The following SHTN1 variants were observed in gnomAD, a reference collection of about 807,000 sequenced individuals.
SHTN1 encodes the protein shootin 1.
Under a neutral mutation model 83.1 loss-of-function variants are expected in SHTN1, and 42 were observed. The ratio of observed to expected loss-of-function variants is 0.51; its 90% CI spans 0.39 to 0.65. The LOEUF (loss-of-function observed/expected upper bound fraction) is 0.65, where lower values mean the gene tolerates loss of function less well. SHTN1 is among the 30% of genes least tolerant of loss of function. SHTN1 has a pLI of 0.00. For missense variants in SHTN1, 622 were observed against 737.8 expected (o/e 0.84, Z 1.82); for synonymous variants, 224 against 247.7 (o/e 0.90, Z 0.90).
chr10:116,888,519 C>T (rs1847232883), intron 16 of SHTN1, among the ~76,000 whole-genome samples: 1 of 152,168 alleles, frequency 6.6e-6, no homozygotes, highest in South Asian at 2.1e-4. Flanking sequence ...TGTAAAGTGA[C>T]AGAGACTGGG....
At chr10:117,124,989 T>A (rs1407552045) in intron 1 of SHTN1, among the ~76,000 whole-genome samples, 4 of 152,164 alleles carry the variant, frequency 2.6e-5, no homozygotes, top group Non-Finnish European at 5.9e-5. Context: ...AGCTTCCTAC[T>A]CTGCCATGAC....
intron 12 of SHTN1, among the ~76,000 whole-genome samples, chr10:116,916,873 C>T (rs1848402423): frequency 6.6e-6 from 1 of 152,210 alleles, no homozygotes. Context: ...CCTCAGAAGC[C>T]ATTGAAATGC....
At chr10:117,098,342 C>T (rs1342071372) in intron 1 of SHTN1, among the ~76,000 whole-genome samples, 1 of 144,282 alleles carries the variant, frequency 6.9e-6, no homozygotes, top group Non-Finnish European at 1.5e-5. Flanking sequence ...GCTTGCAGTG[C>T]GCCGACATCG....
At chr10:116,891,533 T>C (rs1847342995) in intron 16 of SHTN1, among the ~76,000 whole-genome samples, 1 of 152,250 alleles carries the variant, frequency 6.6e-6, no homozygotes, top group Non-Finnish European at 1.5e-5. Flanking sequence ...TAAATTTGTC[T>C]TTATAAAGTC....
chr10:116,940,497 A>T lies in SHTN1; in HGVS notation c.827T>A (p.Leu276His). 1 of 1,613,970 alleles carries T rather than the reference A, an allele frequency of 6.2e-7. No individual in the cohort carries two copies. The highest frequency in any genetic ancestry group is 8.5e-7 in the Non-Finnish European group (1 of 1,179,944). Residue 276 changes from leucine to histidine, a missense_variant, in exon 9 of 17, where the codon CTT becomes CAT. This residue lies in a region of SHTN1 where 383 missense variants were observed against 455.8 expected (regional missense o/e 0.84). Transcript: ENST00000355371. ...LDENAKLTQQ[L>H]EEERIQHQQK... ...TTGATGCTGAATTCTCTCTTCTTCA[A>T]GTTGCTGGGTGAGTTTTGCATTTTC...
chr10:117,083,838 G>A (rs868750166), intron 1 of SHTN1, among the ~76,000 whole-genome samples: 6 of 151,534 alleles, frequency 4.0e-5, no homozygotes, highest in Non-Finnish European at 7.4e-5. Context: ...TGATCGCATC[G>A]GCTCCTGAGG....
At chr10:116,931,447 C>A (rs1475860036) in intron 9 of SHTN1, among the ~76,000 whole-genome samples, 1 of 152,118 alleles carries the variant, frequency 6.6e-6, no homozygotes, top group Admixed American at 6.5e-5. Context: ...CAGGGTTTCA[C>A]CACATTGGCC....
At chr10:117,004,601 G>A (rs1313771896) in intron 1 of SHTN1, among the ~76,000 whole-genome samples, 4 of 152,164 alleles carry the variant, frequency 2.6e-5, no homozygotes, top group Non-Finnish European at 4.4e-5. Context: ...AGCCCTACAG[G>A]CCACCCAGCG....
At chr10:116,892,405 G>A (rs1260641564) in intron 16 of SHTN1, among the ~76,000 whole-genome samples, 1 of 152,142 alleles carries the variant, frequency 6.6e-6, no homozygotes, top group Non-Finnish European at 1.5e-5. Context: ...CTTAAGCTTC[G>A]TTTTTTAGCT....
At chr10:116,910,720 A>G (rs116947821) in intron 14 of SHTN1, among the ~76,000 whole-genome samples, 2 of 152,214 alleles carry the variant, frequency 1.3e-5, no homozygotes, top group Non-Finnish European at 2.9e-5. Context: ...TGTCATAGGG[A>G]GTTCTCCTTA....
intron 2 of SHTN1, among the ~76,000 whole-genome samples, chr10:117,039,338 T>C (rs933229395): frequency 6.6e-6 from 1 of 152,086 alleles, no homozygotes; most frequent in African/African-American, 2.4e-5. Flanking sequence ...TGGTGAGGGA[T>C]GAATAGGCAG....
At chr10:116,907,877 A>AGT (rs1267749884) in intron 14 of SHTN1, 1 of 517,928 alleles carries the variant, frequency 1.9e-6, no homozygotes, top group African/African-American at 1.9e-5. Context: ...TGAACTCACT[A>AGT]AGGACTTGCC....
At chr10:117,065,501 T>C (rs946821708) in intron 1 of SHTN1, among the ~76,000 whole-genome samples, 3 of 151,308 alleles carry the variant, frequency 2.0e-5, no homozygotes, top group African/African-American at 7.3e-5. Flanking sequence ...GTGGATTGCT[T>C]GAGGTCAGGA....
intron 16 of SHTN1, among the ~76,000 whole-genome samples, chr10:116,899,963 T>G (rs1006815007): frequency 6.6e-6 from 1 of 152,212 alleles, no homozygotes; most frequent in Non-Finnish European, 1.5e-5. Context: ...GTAACTACAT[T>G]AAGTTAAAAT....
chr10:117,110,904 A>T (rs1191557331), intron 1 of SHTN1, among the ~76,000 whole-genome samples: 1 of 152,162 alleles, frequency 6.6e-6, no homozygotes. Flanking sequence ...GCTTGTTAAA[A>T]CACAGATTGT....
intron 1 of SHTN1, among the ~76,000 whole-genome samples, chr10:116,997,307 G>T (rs747508342): frequency 6.6e-6 from 1 of 152,150 alleles, no homozygotes; most frequent in Non-Finnish European, 1.5e-5. Flanking sequence ...ACAGTATGTT[G>T]AGCCACTGCT....
chr10:116,964,089 T>G (rs1399709839), intron 3 of SHTN1, among the ~76,000 whole-genome samples: 1 of 152,048 alleles, frequency 6.6e-6, no homozygotes, highest in African/African-American at 2.4e-5. Context: ...GCAAAGCAGG[T>G]GCTCGTGTTA....
intron 14 of SHTN1, among the ~76,000 whole-genome samples, chr10:116,910,838 T>C (rs78988144): frequency 9.6e-4 from 147 of 152,342 alleles, no homozygotes; most frequent in Non-Finnish European, 1.9e-3. Flanking sequence ...CCACCACTGT[T>C]AGCCAGTGAT....
chr10:116,907,820 A>G, intron 14 of SHTN1: 1 of 500,034 alleles, frequency 2.0e-6, no homozygotes, highest in Non-Finnish European at 4.0e-6. Context: ...GTCAAAAGAC[A>G]GCTTTTGTCC....
Sources: gnomAD v4.1 joint callset for allele counts (sites outside exome capture counted in the v4.1 genomes callset) on GRCh38, gnomAD v4.1.1 for gene constraint, gnomAD v4.1.1 regional missense constraint, MANE v1.5 for transcripts, NCBI Gene and HGNC (gene_info 2026-07-23, HGNC 2026-07-21) for gene names.